The following SORCS2 variants were observed in gnomAD, a reference collection of about 807,000 sequenced individuals.
SORCS2 encodes the protein sortilin related VPS10 domain containing receptor 2.
A neutral mutation model predicts 141.6 loss-of-function variants in SORCS2; 100 were observed. The observed-to-expected ratio is 0.71, with a 90% confidence interval of 0.60 to 0.83. The LOEUF is 0.83. SORCS2 is among the 40% of genes least tolerant of loss of function. The probability of loss-of-function intolerance (pLI) is 0.00; values close to 1 mark genes in which losing one functional copy is unlikely to be tolerated. For synonymous variants in SORCS2, 789 were observed against 676.9 expected, an observed-to-expected ratio of 1.17 and a Z score of -2.57; for missense variants, 1,646 against 1,560.2, an observed-to-expected ratio of 1.05 and a Z score of -0.93.
At chr4:7,445,539 C>G (rs1052593463) in intron 2 of SORCS2, among the ~76,000 whole-genome samples, 18 of 152,038 alleles carry the variant, frequency 1.2e-4, no homozygotes, top group Non-Finnish European at 2.5e-4. Context: ...GGAGCGGGGC[C>G]GAGGGGAAGC....
intron 2 of SORCS2, among the ~76,000 whole-genome samples, chr4:7,442,599 ATCCACCCCCTCCCCCAGCCCAGATGACCC>A (rs1727745748): frequency 5.7e-5 from 2 of 34,786 alleles, no homozygotes; most frequent in Non-Finnish European, 1.2e-4. Flanking sequence ...CCAGGTCACC[ATCCACCCCCTCCCCCAGCCCAGATGACCC>A]TCCACCCCCT....
At chr4:7,658,187 C>T (rs1432562011) in intron 5 of SORCS2, among the ~76,000 whole-genome samples, 1 of 149,378 alleles carries the variant, frequency 6.7e-6, no homozygotes, top group Admixed American at 6.7e-5. Flanking sequence ...CTGTGATTGA[C>T]TGAGTGGTTA....
At chr4:7,660,183 A>G (rs538107986) in intron 5 of SORCS2, among the ~76,000 whole-genome samples, 1 of 152,276 alleles carries the variant, frequency 6.6e-6, no homozygotes, top group East Asian at 1.9e-4. Context: ...GCCTCTCAAG[A>G]CAGAAGCTTC....
intron 2 of SORCS2, among the ~76,000 whole-genome samples, chr4:7,498,568 G>A (rs1281306797): frequency 6.6e-6 from 1 of 152,224 alleles, no homozygotes; most frequent in Non-Finnish European, 1.5e-5. Flanking sequence ...CTGCCAAGGC[G>A]GCCAGGCAGA....
chr4:7,419,174 A>AT (rs1560268859), intron 2 of SORCS2, among the ~76,000 whole-genome samples: 1 of 152,288 alleles, frequency 6.6e-6, no homozygotes, highest in South Asian at 2.1e-4. Flanking sequence ...AATTGCAGCC[A>AT]TTTTTTTCAA....
At chr4:7,246,559 G>A (rs1268222411) in intron 1 of SORCS2, among the ~76,000 whole-genome samples, 1 of 152,184 alleles carries the variant, frequency 6.6e-6, no homozygotes, top group East Asian at 1.9e-4. Flanking sequence ...GGGCTTAAAT[G>A]AACCACAGAT....
At chr4:7,686,055 C>T (rs1353885719) in intron 10 of SORCS2, among the ~76,000 whole-genome samples, 2 of 152,190 alleles carry the variant, frequency 1.3e-5, no homozygotes, top group Admixed American at 6.5e-5. Flanking sequence ...GGATCCCACA[C>T]GTGCGTGATT....
At chr4:7,626,623 G>A (rs576474825) in intron 3 of SORCS2, among the ~76,000 whole-genome samples, 10 of 152,264 alleles carry the variant, frequency 6.6e-5, no homozygotes, top group East Asian at 1.9e-4. Context: ...ATTTATGTAC[G>A]AATGCATGTA....
At chr4:7,473,744 T>C (rs1730121419) in intron 2 of SORCS2, among the ~76,000 whole-genome samples, 1 of 143,860 alleles carries the variant, frequency 7.0e-6, no homozygotes, top group African/African-American at 2.6e-5. Context: ...GACTTGGCAA[T>C]GGGGAGGTGG....
chr4:7,290,453 T>C (rs1169963009), intron 1 of SORCS2, among the ~76,000 whole-genome samples: 1 of 152,160 alleles, frequency 6.6e-6, no homozygotes, highest in Non-Finnish European at 1.5e-5. Context: ...GGAACCTAGT[T>C]GATTTTTTTC....
At chr4:7,444,463 C>T (rs1437705871) in intron 2 of SORCS2, among the ~76,000 whole-genome samples, 1 of 152,152 alleles carries the variant, frequency 6.6e-6, no homozygotes, top group Non-Finnish European at 1.5e-5. Flanking sequence ...AGGTCAGTGT[C>T]TGAGTGTGCA....
chr4:7,470,911 G>A (rs1359175758), intron 2 of SORCS2, among the ~76,000 whole-genome samples: 1 of 152,124 alleles, frequency 6.6e-6, no homozygotes, highest in Non-Finnish European at 1.5e-5. Flanking sequence ...GGGAGGTGAT[G>A]TCAGAGTGAT....
chr4:7,685,392 G>C (rs1335712585), intron 10 of SORCS2, among the ~76,000 whole-genome samples: 1 of 152,162 alleles, frequency 6.6e-6, no homozygotes, highest in African/African-American at 2.4e-5. Flanking sequence ...AGCCTCACGG[G>C]CTGGGCACAG....
Position 7,448,829 on chromosome 4 carries a change from CT to C in SORCS2, c.548+52475del, listed in dbSNP as rs1560292965. Among the ~76,000 whole-genome samples, 8 of 11,460 alleles carry C rather than the reference CT, an allele frequency of 7.0e-4. 3 individuals carry two copies. Among genetic ancestry groups the C allele is most frequent in the African/African-American group, 3.4e-3 (8 of 2,350 alleles). 7.5% of individuals were successfully genotyped at this position (11,460 alleles called of 152,430 possible). A position where few individuals can be genotyped will look rare whatever the true frequency, so the allele number is the denominator to read the frequency against. ...TTTCCCTCCCTCCCTCCCTCCCTTT[CT>C]CTCTTTTCCCTCTCTTCCTCCCTCC... On this transcript the variant is annotated intron_variant, in intron 2 of 26. Transcript: ENST00000507866.
At chr4:7,583,461 G>C (rs1716301083) in intron 3 of SORCS2, among the ~76,000 whole-genome samples, 1 of 152,148 alleles carries the variant, frequency 6.6e-6, no homozygotes, top group Non-Finnish European at 1.5e-5. Flanking sequence ...TTTATCCTCA[G>C]ATATGGTTTG....
At chr4:7,433,583 G>A in intron 2 of SORCS2, 1 of 1,611,568 alleles carries the variant, frequency 6.2e-7, no homozygotes, top group Non-Finnish European at 8.5e-7. Context: ...ATCATATAGG[G>A]CAGCGGCAGG....
chr4:7,442,647 T>C (rs1308786970), intron 2 of SORCS2, among the ~76,000 whole-genome samples: 2 of 55,154 alleles, frequency 3.6e-5, no homozygotes, highest in Non-Finnish European at 7.1e-5. Flanking sequence ...CTCCCCCAGC[T>C]CTGCCCTGCC....
At chr4:7,630,295 G>C (rs548960985) in intron 3 of SORCS2, among the ~76,000 whole-genome samples, 1 of 152,304 alleles carries the variant, frequency 6.6e-6, no homozygotes, top group South Asian at 2.1e-4. Flanking sequence ...AGACCCTAAA[G>C]GGCCCCAGCA....
At chr4:7,374,390 C>G (rs887848212) in intron 1 of SORCS2, among the ~76,000 whole-genome samples, 32 of 152,136 alleles carry the variant, frequency 2.1e-4, no homozygotes, top group African/African-American at 7.5e-4. Flanking sequence ...CGTACCAGCC[C>G]GGGTCTGAAA....
Sources: allele counts gnomAD v4.1 joint callset (sites outside exome capture counted in the v4.1 genomes callset), GRCh38; gene constraint gnomAD v4.1.1; transcripts MANE v1.5; gene names NCBI Gene and HGNC (gene_info 2026-07-23, HGNC 2026-07-21).